The following SUSD4 variants were observed in gnomAD, a reference collection of about 807,000 sequenced individuals.
The protein encoded by SUSD4 is sushi domain containing 4, also known as sushi domain-containing protein 4.
A neutral mutation model predicts 50.5 loss-of-function variants in SUSD4; 41 were observed. That is an observed-to-expected ratio of 0.81 (90% CI 0.63 to 1.05). The LOEUF is 1.05. Ranked by LOEUF, SUSD4 falls within the 50% of genes least tolerant of loss-of-function variation. The probability of loss-of-function intolerance (pLI) is 0.00; values close to 1 mark genes in which losing one functional copy is unlikely to be tolerated. For synonymous variants in SUSD4, 257 were observed against 257.3 expected (o/e 1.00, Z 0.01); for missense variants, 580 against 634.7 (o/e 0.91, Z 0.93).
chr1:223,266,977 C>T (rs1406145401), intron 4 of SUSD4, among the ~76,000 whole-genome samples: 1 of 152,216 alleles, frequency 6.6e-6, no homozygotes, highest in Non-Finnish European at 1.5e-5. Context: ...AGGGCACCCA[C>T]CCCCTCTGTG....
intron 2 of SUSD4, among the ~76,000 whole-genome samples, chr1:223,303,518 C>T (rs1358093342): frequency 6.6e-6 from 1 of 152,118 alleles, no homozygotes; most frequent in East Asian, 1.9e-4. Flanking sequence ...TAGTTTTTGA[C>T]CTGCAAATTG....
intron 3 of SUSD4, among the ~76,000 whole-genome samples, chr1:223,268,935 T>C (rs1421179990): frequency 6.6e-6 from 1 of 152,174 alleles, no homozygotes; most frequent in Non-Finnish European, 1.5e-5. Context: ...TTCCTGCCTG[T>C]GACACTTCAA....
chr1:223,314,628 G>A (rs369674921), intron 2 of SUSD4, among the ~76,000 whole-genome samples: 6 of 152,176 alleles, frequency 3.9e-5, no homozygotes, highest in South Asian at 2.1e-4. Context: ...TCATGGGGGC[G>A]GGTCTTTCCC....
At chr1:223,320,728 G>A (rs1447400192) in intron 2 of SUSD4, among the ~76,000 whole-genome samples, 1 of 152,178 alleles carries the variant, frequency 6.6e-6, no homozygotes, top group Non-Finnish European at 1.5e-5. Context: ...GAGCACTACT[G>A]TTACAAAAGT....
intron 5 of SUSD4, among the ~76,000 whole-genome samples, chr1:223,257,507 C>T (rs985767012): frequency 9.8e-5 from 15 of 152,298 alleles, no homozygotes; most frequent in South Asian, 8.3e-4. Context: ...GCCAAGCCTG[C>T]TACTCTCTGG....
chr1:223,231,379 G>T lies in SUSD4; in HGVS notation c.725-1991C>A, dbSNP rs1659888857. On this transcript the variant is annotated intron_variant, in intron 5 of 8. Transcript: ENST00000366878. This position sits in a 1 kb window ranked among gnomAD's most constrained non-coding sequence, Gnocchi z 4.2. Reference sequence around the variant, plus strand: ...CAGGCCCAGGTGTGCTCAGTAAATGGTGGCTGTCAGGTGGCTGCTGTGAGC... The same window carrying T: ...CAGGCCCAGGTGTGCTCAGTAAATGTTGGCTGTCAGGTGGCTGCTGTGAGC... Among the ~76,000 whole-genome samples, 1 of 152,158 alleles carries T rather than the reference G, an allele frequency of 6.6e-6. No individual in the cohort carries two copies. The highest frequency in any genetic ancestry group is 1.5e-5 in the Non-Finnish European group (1 of 68,026).
rs766298895 is a variant in SUSD4, at chr1:223,360,219, G to A, written c.148+3059C>T. The A allele has an allele frequency of 8.5e-5, 40 of 470,776 alleles. 1 individual carries two copies. In the Middle Eastern group the frequency reaches 3.9e-3, roughly 46 times the overall value. 29.2% of individuals were successfully genotyped at this position (470,776 alleles called of 1,614,324 possible). On this transcript the variant is annotated intron_variant, in intron 2 of 8. Coordinates refer to ENST00000366878, the MANE Select transcript of SUSD4 (RefSeq NM_017982.4). ...AGAATTCACCTTAAAGGAGTCACTT[G>A]TTGAGCAAACTCTTGGCTCTCTTCC... is the stretch of plus-strand genomic sequence containing the variant.
At chr1:223,235,026 A>C (rs924892061) in intron 5 of SUSD4, 1 of 1,612,188 alleles carries the variant, frequency 6.2e-7, no homozygotes, top group Non-Finnish European at 8.5e-7. Flanking sequence ...AACACAGGGC[A>C]AAAATAAAGC....
In SUSD4 at chr1:223,355,717, G is replaced by A. The variant is rs181369404; in HGVS notation, c.148+7561C>T. ...CACGGTGGTAATTCTGGGAGATAAA[G>A]GTCACAAATTTCAAACAGAAACATG... On this transcript the variant is annotated intron_variant, in intron 2 of 8. Transcript: ENST00000366878. 6.4e-4 allele frequency among the ~76,000 whole-genome samples: 97 copies of A among 152,244 alleles called. No individual in the cohort carries two copies. In the East Asian group the frequency reaches 7.3e-3, roughly 12 times the overall value.
At chr1:223,246,869 A>G (rs1660971265) in intron 5 of SUSD4, among the ~76,000 whole-genome samples, 1 of 152,244 alleles carries the variant, frequency 6.6e-6, no homozygotes, top group African/African-American at 2.4e-5. Flanking sequence ...GCTTAAAACC[A>G]GTGTGTGCCT....
At chr1:223,312,658 TG>T (rs1352850569) in intron 2 of SUSD4, among the ~76,000 whole-genome samples, 1 of 152,236 alleles carries the variant, frequency 6.6e-6, no homozygotes, top group East Asian at 1.9e-4. Context: ...GAGAATGACC[TG>T]GATACCTGGA....
At chr1:223,250,697 C>G (rs561808687) in intron 5 of SUSD4, among the ~76,000 whole-genome samples, 1 of 152,128 alleles carries the variant, frequency 6.6e-6, no homozygotes, top group South Asian at 2.1e-4. Flanking sequence ...GGTTAGAGTT[C>G]GGAAAAGCCT....
At chr1:223,279,962 C>G (rs1467025768) in intron 3 of SUSD4, among the ~76,000 whole-genome samples, 1 of 152,078 alleles carries the variant, frequency 6.6e-6, no homozygotes. Flanking sequence ...ATTTTCAACC[C>G]GGAATTTCAT....
At chr1:223,317,333 T>C (rs1666260266) in intron 2 of SUSD4, among the ~76,000 whole-genome samples, 1 of 152,190 alleles carries the variant, frequency 6.6e-6, no homozygotes, top group Non-Finnish European at 1.5e-5. Context: ...GAAGCATGAA[T>C]AATCCACCCC....
intron 3 of SUSD4, among the ~76,000 whole-genome samples, chr1:223,277,744 A>C (rs72745905): frequency 0.017 from 2,570 of 152,284 alleles, 44 homozygotes; most frequent in Non-Finnish European, 0.02. Context: ...CTGCTGTGTG[A>C]CTTCTATAAG....
Position 223,227,541 on chromosome 1 carries a change from G to T in SUSD4, c.1061+53C>A. ...TCACTTTCTCCCTCTGCTGCTAAGG[G>T]TAGCTGCATTGAGTCAGACCTTGAG... On this transcript the variant is annotated intron_variant, in intron 7 of 8. Coordinates refer to ENST00000366878, the MANE Select transcript of SUSD4 (RefSeq NM_017982.4). This position sits in a 1 kb window ranked among gnomAD's most constrained non-coding sequence, Gnocchi z 4.5. 1 of 1,591,086 alleles carries T rather than the reference G, an allele frequency of 6.3e-7. No homozygotes were observed. The highest frequency in any genetic ancestry group is 8.6e-7 in the Non-Finnish European group (1 of 1,162,962).
chr1:223,245,944 TA>T (rs1250647715), intron 5 of SUSD4, among the ~76,000 whole-genome samples: 22 of 152,152 alleles, frequency 1.4e-4, no homozygotes, highest in Non-Finnish European at 5.9e-5. Context: ...AAGGGAGTGG[TA>T]CAGAGCTTGG....
At chr1:223,245,295 A>C (rs1474825672) in intron 5 of SUSD4, among the ~76,000 whole-genome samples, 1 of 151,334 alleles carries the variant, frequency 6.6e-6, no homozygotes, top group African/African-American at 2.4e-5. Flanking sequence ...ACGTATTAGA[A>C]AACAGTAACC....
chr1:223,313,706 A>C (rs1389001311), intron 2 of SUSD4, among the ~76,000 whole-genome samples: 3 of 152,154 alleles, frequency 2.0e-5, no homozygotes, highest in Admixed American at 2.0e-4. Flanking sequence ...AACCTTGCTG[A>C]TAAAAGAATG....
Sources: allele counts gnomAD v4.1 joint callset (sites outside exome capture counted in the v4.1 genomes callset), GRCh38; gene constraint gnomAD v4.1.1; non-coding constraint Gnocchi (gnomAD v3.1); transcripts MANE v1.5; gene names NCBI Gene and HGNC (gene_info 2026-07-23, HGNC 2026-07-21).